Variants in SLA observed in about 807,000 individuals in gnomAD.
SLA encodes Src like adaptor, also known as src-like-adapter.
A neutral mutation model predicts 30.3 loss-of-function variants in SLA; 16 were observed. That is an observed-to-expected ratio of 0.53 (90% CI 0.36 to 0.80). SLA has a LOEUF of 0.80. SLA is among the 30% of genes least tolerant of loss of function. The probability of loss-of-function intolerance (pLI) is 0.01; values close to 1 mark genes in which losing one functional copy is unlikely to be tolerated. For synonymous variants in SLA, 143 were observed against 137.8 expected, an observed-to-expected ratio of 1.04 and a Z score of -0.26; for missense variants, 310 against 345.2, an observed-to-expected ratio of 0.90 and a Z score of 0.81.
intron 3 of SLA, among the ~76,000 whole-genome samples, chr8:133,058,329 C>A (rs567014568): frequency 6.6e-6 from 1 of 152,118 alleles, no homozygotes; most frequent in Non-Finnish European, 1.5e-5. Flanking sequence ...ATTCTCTTCA[C>A]CAGGGGGTGG....
chr8:133,097,325 A>G (rs1848574797), intron 1 of SLA, among the ~76,000 whole-genome samples: 1 of 152,248 alleles, frequency 6.6e-6, no homozygotes, highest in Admixed American at 6.5e-5. Context: ...CCAGTTTTAC[A>G]TGATATATAT....
At chr8:133,093,080 G>A (rs192649614) in intron 1 of SLA, among the ~76,000 whole-genome samples, 7 of 151,828 alleles carry the variant, frequency 4.6e-5, no homozygotes, top group East Asian at 1.9e-4. Context: ...TTCAGAACAC[G>A]GAGTTTTGAG....
At chr8:133,041,215 C>A (rs1169107272) in intron 7 of SLA, among the ~76,000 whole-genome samples, 1 of 152,208 alleles carries the variant, frequency 6.6e-6, no homozygotes, top group Non-Finnish European at 1.5e-5. Context: ...GGCCTCAGAG[C>A]CAATCCACCA....
At chr8:133,058,771 A>G (rs1841920088) in intron 3 of SLA, among the ~76,000 whole-genome samples, 1 of 152,226 alleles carries the variant, frequency 6.6e-6, no homozygotes, top group African/African-American at 2.4e-5. Flanking sequence ...CTGAGAGCAC[A>G]TGCTCTGTTC....
In SLA at chr8:133,040,042, A is replaced by G; in HGVS notation, c.573T>C (p.Pro191=). 6.4e-7 allele frequency: 1 copy of G among 1,552,558 alleles called. No homozygotes were observed. The highest frequency in any genetic ancestry group is 8.7e-7 in the Non-Finnish European group (1 of 1,147,402). ...AAPAVRASSS[P]VTLRQKTVDW... is the part of the protein sequence containing the mutation. ...CCACAGTCTTCTGACGCAAGGTGACAGGTGAGCTGGAGGCCCTCACTGCTG... is the reference window on the plus strand; with the variant it reads ...CCACAGTCTTCTGACGCAAGGTGACGGGTGAGCTGGAGGCCCTCACTGCTG... The change falls in exon 8 of 9, where the codon CCT becomes CCC. Residue 191 remains proline, a synonymous_variant. Coordinates refer to ENST00000338087, the MANE Select transcript of SLA (RefSeq NM_001045556.3).
chr8:133,070,078 G>A (rs991880914), intron 2 of SLA, among the ~76,000 whole-genome samples: 4 of 151,012 alleles, frequency 2.6e-5, no homozygotes, highest in African/African-American at 9.8e-5. Flanking sequence ...AAGAAACAAT[G>A]TGGGCCTAGG....
At position 133,095,212 on chromosome 8, in the gene SLA, A is replaced by T; in HGVS notation, c.-319+7341T>A. 3 of 1,614,226 alleles carry T rather than the reference A, an allele frequency of 1.9e-6. 1 individual carries two copies. The South Asian group carries it at 3.3e-5, about 18-fold the overall frequency. On this transcript the variant is annotated intron_variant, in intron 1 of 8. Coordinates refer to ENST00000338087, the MANE Select transcript of SLA (RefSeq NM_001045556.3). ...CCTCAATGATGCCCAGACCAAGGTGAGCACTTAAGTGCAAGTTGGGAAGGG... is the reference window on the plus strand; with the variant it reads ...CCTCAATGATGCCCAGACCAAGGTGTGCACTTAAGTGCAAGTTGGGAAGGG...
At chr8:133,071,231 C>T (rs1843968141) in intron 2 of SLA, among the ~76,000 whole-genome samples, 1 of 152,214 alleles carries the variant, frequency 6.6e-6, no homozygotes, top group African/African-American at 2.4e-5. Context: ...CCACAACTCT[C>T]TGGAGTATGC....
intron 3 of SLA, among the ~76,000 whole-genome samples, chr8:133,053,389 A>G (rs1840787732): frequency 6.6e-6 from 1 of 152,222 alleles, no homozygotes; most frequent in South Asian, 2.1e-4. Context: ...GGATGCTCAA[A>G]GCAGGCTTAC....
At chr8:133,049,274 G>C in intron 5 of SLA, 1 of 411,884 alleles carries the variant, frequency 2.4e-6, no homozygotes, top group Non-Finnish European at 4.9e-6. Flanking sequence ...TTTCAAGGAA[G>C]GCACATAAGC....
In SLA at chr8:133,089,534, G is replaced by A. The variant is rs150961798; in HGVS notation, c.-319+13019C>T. On this transcript the variant is annotated intron_variant, in intron 1 of 8. Transcript: ENST00000338087. ...ACCTGCTCTGTGTCCCAGGGTTGGT[G>A]CCTTCTAAATCACATCTCTTACTTA... 3.6e-3 allele frequency among the ~76,000 whole-genome samples: 553 copies of A among 152,262 alleles called. 6 individuals carry two copies. Among genetic ancestry groups the A allele is most frequent in the African/African-American group, 0.013 (527 of 41,548 alleles).
At chr8:133,045,330 A>G (rs1009535875) in intron 6 of SLA, among the ~76,000 whole-genome samples, 6 of 149,524 alleles carry the variant, frequency 4.0e-5, no homozygotes, top group Middle Eastern at 3.2e-3. Flanking sequence ...GTCAAAGCAG[A>G]TATGTTCATC....
chr8:133,095,721 T>C (rs992517087), intron 1 of SLA, among the ~76,000 whole-genome samples: 1 of 152,234 alleles, frequency 6.6e-6, no homozygotes, highest in Non-Finnish European at 1.5e-5. Context: ...TTCACATTAA[T>C]GAAGGGGACA....
At chr8:133,080,032 G>A (rs558049174) in intron 1 of SLA, among the ~76,000 whole-genome samples, 82 of 152,234 alleles carry the variant, frequency 5.4e-4, no homozygotes, top group Middle Eastern at 6.8e-3. Context: ...TGGGTATGGA[G>A]TTAGAGAAAT....
chr8:133,091,202 G>T (rs1033777873), intron 1 of SLA, among the ~76,000 whole-genome samples: 2 of 152,190 alleles, frequency 1.3e-5, no homozygotes, highest in African/African-American at 4.8e-5. Flanking sequence ...TGCTGCAAGG[G>T]CTTTGTAGGA....
chr8:133,058,421 A>C (rs1841856977), intron 3 of SLA, among the ~76,000 whole-genome samples: 1 of 152,218 alleles, frequency 6.6e-6, no homozygotes, highest in Non-Finnish European at 1.5e-5. Flanking sequence ...AACTTATTTC[A>C]TGACAATTTG....
chr8:133,051,979 C>T (rs1394369198), intron 3 of SLA, among the ~76,000 whole-genome samples: 7 of 152,312 alleles, frequency 4.6e-5, no homozygotes, highest in East Asian at 1.9e-4. Context: ...GCTGCTTTCA[C>T]GGAGCTCATG....
At chr8:133,053,221 A>G (rs1281432510) in intron 3 of SLA, among the ~76,000 whole-genome samples, 3 of 152,066 alleles carry the variant, frequency 2.0e-5, no homozygotes, top group East Asian at 1.9e-4. Flanking sequence ...CTTGGCCCCT[A>G]AGATTTTCCT....
intron 2 of SLA, among the ~76,000 whole-genome samples, 161 bp downstream of exon 2, chr8:133,074,692 G>T (rs994763112): frequency 6.6e-6 from 1 of 152,202 alleles, no homozygotes; most frequent in African/African-American, 2.4e-5. Context: ...ACTGCAGTGT[G>T]CTGGGCACCA....
Sources: allele counts gnomAD v4.1 joint callset (sites outside exome capture counted in the v4.1 genomes callset), GRCh38; gene constraint gnomAD v4.1.1; transcripts MANE v1.5; gene names NCBI Gene and HGNC (gene_info 2026-07-23, HGNC 2026-07-21).